BCAT2: variants seen among roughly 807,000 people sequenced by gnomAD.
The protein encoded by BCAT2 is branched-chain-amino-acid aminotransferase, mitochondrial.
BCAT2 carries 44 observed loss-of-function variants against 52.9 expected under a neutral mutation model. The ratio of observed to expected loss-of-function variants is 0.83; its 90% confidence interval spans 0.65 to 1.07. BCAT2 has a LOEUF of 1.07. Ranked by LOEUF, BCAT2 falls within the 50% of genes least tolerant of loss-of-function variation. The pLI, the probability that BCAT2 is intolerant of heterozygous loss-of-function variation, is 0.00. For synonymous variants in BCAT2, 215 were observed against 217.1 expected, an observed-to-expected ratio of 0.99 and a Z score of 0.08; for missense variants, 478 against 521.8, an observed-to-expected ratio of 0.92 and a Z score of 0.82.
At chr19:48,808,743 A>G (rs1392695006) in intron 1 of BCAT2, among the ~76,000 whole-genome samples, 1 of 151,996 alleles carries the variant, frequency 6.6e-6, no homozygotes, top group African/African-American at 2.4e-5. Flanking sequence ...CGACAGAGCA[A>G]GACTCTCTGT....
At chr19:48,808,067 T>C in intron 1 of BCAT2, 1 of 987,270 alleles carries the variant, frequency 1.0e-6, no homozygotes, top group Non-Finnish European at 1.2e-6. Flanking sequence ...TTCTGGAAGA[T>C]GGACGTGAAT....
chr19:48,805,755 CTCTCCTGCCATCCCTCCCCCGGCTGTCCG>C (rs2034757241), intron 3 of BCAT2, among the ~76,000 whole-genome samples: 7 of 123,772 alleles, frequency 5.7e-5, no homozygotes, highest in African/African-American at 1.6e-4. Flanking sequence ...CCGGCTGTCC[CTCTCCTGCCATCCCTCCCCCGGCTGTCCG>C]TCTCCCGCCA....
chr19:48,798,581 C>T (rs1175956823), intron 6 of BCAT2, among the ~76,000 whole-genome samples: 2 of 152,150 alleles, frequency 1.3e-5, no homozygotes, highest in African/African-American at 4.8e-5. Flanking sequence ...ACCCCCTCCT[C>T]CCTCCTCGTC....
At chr19:48,806,823 G>A (rs1309344392) in intron 2 of BCAT2, 106 bp from the exon 3 acceptor site, 4 of 1,455,462 alleles carry the variant, frequency 2.7e-6, no homozygotes, top group East Asian at 4.6e-5. Flanking sequence ...AGAAGGACCT[G>A]TCACCCTGGA....
chr19:48,795,608 A>G (rs916425880), intron 10 of BCAT2, 144 bp from the exon 11 acceptor site: 6 of 897,522 alleles, frequency 6.7e-6, no homozygotes, highest in Non-Finnish European at 5.2e-6. Flanking sequence ...GGGCCCCAAC[A>G]ATGATGGGAA....
chr19:48,807,932 C>A lies in BCAT2; in HGVS notation c.25-858G>T. On this transcript the variant is annotated intron_variant, in intron 1 of 10. Transcript: ENST00000316273. The surrounding 1 kb of genome is among the most constrained non-coding windows in gnomAD (Gnocchi z 4.6). ...CTGTGTCCAGCAGGCTGGGCCCTCT[C>A]TGGTGACCTTTGACCTCACAAGGCC... is the stretch of plus-strand genomic sequence containing the variant. 1.0e-6 allele frequency: 1 copy of A among 985,920 alleles called. No individual in the cohort carries two copies. The highest frequency in any genetic ancestry group is 1.2e-6 in the Non-Finnish European group (1 of 830,270). The allele number at this position is 985,920 out of a possible 1,614,324, so 61.1% of individuals were successfully genotyped here.
intron 3 of BCAT2, among the ~76,000 whole-genome samples, chr19:48,804,948 G>A (rs920039844): frequency 1.3e-5 from 2 of 152,022 alleles, no homozygotes; most frequent in African/African-American, 4.8e-5. Flanking sequence ...TTGCTTAGAT[G>A]TCCAGAGTGG....
chr19:48,810,810 C>A, intron 1 of BCAT2, 174 bp downstream of exon 1: 4 of 1,449,046 alleles, frequency 2.8e-6, no homozygotes, highest in South Asian at 1.4e-5. Flanking sequence ...CCCCCTCACC[C>A]CATTAAAGCC....
Position 48,807,244 on chromosome 19 carries a change from T to C in BCAT2, c.25-170A>G. On this transcript the variant is annotated intron_variant, in intron 1 of 10. Coordinates refer to ENST00000316273, the MANE Select transcript of BCAT2 (RefSeq NM_001190.4). This position sits in a 1 kb window ranked among gnomAD's most constrained non-coding sequence, Gnocchi z 4.6. ...CCTGAAGGAGGCCAAGTCCCCTCCC[T>C]GCCCTGACGAGGGCTCGCTGGAAAG... 1.7e-6 allele frequency: 1 copy of C among 585,818 alleles called. No homozygotes were observed. Among genetic ancestry groups the C allele is most frequent in the Non-Finnish European group, 3.0e-6 (1 of 336,048 alleles). The allele number at this position is 585,818 out of a possible 1,614,324, so 36.3% of individuals were successfully genotyped here.
chr19:48,799,327 G>A lies in BCAT2; in HGVS notation c.695+348C>T, dbSNP rs768690466. ...GTGGGAGCTGGGTATGGGGAGCGCA[G>A]CCCAGCCTGGGGGATCAGGGGAGGC... On this transcript the variant is annotated intron_variant, in intron 6 of 10. Transcript: ENST00000316273. The surrounding 1 kb of genome is among the most constrained non-coding windows in gnomAD (Gnocchi z 5.5). 2 of 223,248 alleles carry A rather than the reference G, an allele frequency of 9.0e-6. No homozygotes were observed. The highest frequency in any genetic ancestry group is 1.7e-5 in the Non-Finnish European group (2 of 115,272). 13.8% of individuals were successfully genotyped at this position (223,248 alleles called of 1,614,324 possible).
chr19:48,795,450 G>A lies in BCAT2; in HGVS notation c.1155C>T (p.Ala385=), dbSNP rs750066740. The A allele has an allele frequency of 1.2e-6, 2 of 1,614,000 alleles. No individual in the cohort carries two copies. The highest frequency in any genetic ancestry group is 1.7e-6 in the Non-Finnish European group (2 of 1,179,988). Residue 385 remains alanine, a synonymous_variant, in exon 11 of 11, where the codon GCC becomes GCT. Transcript: ENST00000316273. The part of the protein sequence containing the change: ...ELKEIQYGIR[A]HEWMFPV ...TTCACACCGGGAACATCCACTCGTG[G>A]GCTCTGATTCCGTACTGCGGAACAA...
chr19:48,806,462 G>T, intron 3 of BCAT2, 55 bp downstream of exon 3: 1 of 1,593,610 alleles, frequency 6.3e-7, no homozygotes, highest in Non-Finnish European at 8.6e-7. Context: ...AAGAGACACA[G>T]CAAGGAGGAG....
rs1190380439 is a variant in BCAT2 at position 48,808,453 on chromosome 19, A to G, written c.25-1379T>C. The G allele has an allele frequency of 1.5e-4, 30 of 201,026 alleles. No individual in the cohort carries two copies. The Admixed American group carries it at 2.0e-3, about 13-fold the overall frequency. The allele number at this position is 201,026 out of a possible 1,614,324, so 12.5% of individuals were successfully genotyped here. On this transcript the variant is annotated intron_variant, in intron 1 of 10. Transcript: ENST00000316273. The stretch of plus-strand genomic sequence containing the variant: ...GACGCCAAGAAACAAGAGATGCCAA[A>G]ATAGATCTAATCATAGAAAGAGGCC...
intron 3 of BCAT2, among the ~76,000 whole-genome samples, chr19:48,801,825 C>CG (rs1471251307): frequency 1.3e-5 from 2 of 151,884 alleles, no homozygotes; most frequent in African/African-American, 4.8e-5. Context: ...TTGGTAGAGA[C>CG]GGGGTTTCAC....
In BCAT2 at chr19:48,807,072, G is replaced by C. The variant is rs1266077598; in HGVS notation, c.27C>G (p.Ile9Met). The C allele has an allele frequency of 9.3e-6, 15 of 1,613,160 alleles. No homozygotes were observed. Among genetic ancestry groups the C allele is most frequent in the Non-Finnish European group, 1.3e-5 (15 of 1,179,472 alleles). The change falls in exon 2 of 11, where the codon ATC becomes ATG. Residue 9 changes from isoleucine to methionine, a missense_variant and splice_region_variant. By Grantham distance (10) the Ile-to-Met change is conservative. Transcript: ENST00000316273. This position sits in a 1 kb window ranked among gnomAD's most constrained non-coding sequence, Gnocchi z 4.6. ...GGACAGAGAGAAGCTTTCGTGCCCA[G>C]ATCTGGGTGGAGAAAGAAGTGAGAG... is the stretch of plus-strand genomic sequence containing the variant. MAAAALGQIWARKLLSVPW... is the reference protein window; with the variant it reads MAAAALGQMWARKLLSVPW...
At chr19:48,796,163 C>T (rs543463830) in intron 10 of BCAT2, 26 of 530,372 alleles carry the variant, frequency 4.9e-5, no homozygotes, top group African/African-American at 3.7e-4. Flanking sequence ...ACCCAGGAGC[C>T]GCAGAGGATC....
Position 48,796,972 on chromosome 19 carries a change from C to G in BCAT2, c.889G>C (p.Val297Leu). 1.2e-6 allele frequency: 2 copies of G among 1,614,204 alleles called. No individual in the cohort carries two copies. Among genetic ancestry groups the G allele is most frequent in the Non-Finnish European group, 1.7e-6 (2 of 1,180,030 alleles). The stretch of plus-strand genomic sequence containing the variant: ...GCCATGTCCAGTAGACTCTGTCTGA[C>G]CACTCCAGGCAGGATAACACCATTC... ...PLNGVILPGVVRQSLLDMAQT... is the reference protein window; with the variant it reads ...PLNGVILPGVLRQSLLDMAQT... Residue 297 changes from valine to leucine, a missense_variant, in exon 8 of 11, where the codon GTC becomes CTC. Transcript: ENST00000316273.
At chr19:48,797,502 C>G (rs1466577601) in intron 6 of BCAT2, 169 bp from the exon 7 acceptor site, 6 of 752,730 alleles carry the variant, frequency 8.0e-6, no homozygotes, top group Non-Finnish European at 1.3e-5. Context: ...CATCAGGACC[C>G]TAAATGGTTA....
Position 48,799,784 on chromosome 19 carries a change from G to C in BCAT2, c.586C>G (p.Pro196Ala), listed in dbSNP as rs2034613409. Residue 196 changes from proline to alanine, a missense_variant, in exon 6 of 11, where the codon CCA becomes GCA. Physicochemically the swap from Pro to Ala is conservative, Grantham distance 27 (BLOSUM62 -1). Transcript: ENST00000316273. This position sits in a 1 kb window ranked among gnomAD's most constrained non-coding sequence, Gnocchi z 5.5. Reference protein sequence around the residue: ...TRALLFVILCPVGAYFPGGSV... With the variant: ...TRALLFVILCAVGAYFPGGSV... ...CCTCCAGGGAAGTAGGCACCCACTG[G>C]GCAGAGAATGACGAACAGGAGCGCG... The C allele has an allele frequency of 3.2e-6, 5 of 1,567,076 alleles. No individual in the cohort carries two copies. The highest frequency in any genetic ancestry group is 1.9e-5 in the Admixed American group (1 of 51,642).
Sources: allele counts gnomAD v4.1 joint callset (sites outside exome capture counted in the v4.1 genomes callset), GRCh38; gene constraint gnomAD v4.1.1; non-coding constraint Gnocchi (gnomAD v3.1); transcripts MANE v1.5; gene names NCBI Gene and HGNC (gene_info 2026-07-23, HGNC 2026-07-21).